Variants in PTAR1 observed in about 807,000 individuals in gnomAD.
PTAR1 encodes protein prenyltransferase alpha subunit repeat-containing protein 1.
In PTAR1, 17 loss-of-function variants were observed where a neutral mutation model predicts 45.5. The ratio of observed to expected loss-of-function variants is 0.37; its 90% CI spans 0.26 to 0.56. PTAR1 has a LOEUF of 0.56. PTAR1 is among the 20% of genes least tolerant of loss of function. The pLI is 0.77. For missense variants in PTAR1, 391 were observed against 476.3 expected, an observed-to-expected ratio of 0.82 and a Z score of 1.67; for synonymous variants, 169 against 171.3, an observed-to-expected ratio of 0.99 and a Z score of 0.11.
chr9:69,744,331 A>G (rs939907116), intron 2 of PTAR1, among the ~76,000 whole-genome samples: 1 of 152,064 alleles, frequency 6.6e-6, no homozygotes, highest in Non-Finnish European at 1.5e-5. Context: ...TAACAAAAAA[A>G]AAGTTTAAAG....
intron 2 of PTAR1, among the ~76,000 whole-genome samples, chr9:69,744,198 T>C (rs1826168275): frequency 6.6e-6 from 1 of 152,164 alleles, no homozygotes; most frequent in African/African-American, 2.4e-5. Context: ...ACATTCCACC[T>C]GAGTCAAACT....
chr9:69,755,658 C>G (rs1388590540), intron 1 of PTAR1, among the ~76,000 whole-genome samples: 1 of 152,104 alleles, frequency 6.6e-6, no homozygotes, highest in Non-Finnish European at 1.5e-5. Flanking sequence ...CCCAAAAGAA[C>G]TGGAATTCTT....
chr9:69,724,628 C>T (rs10867966), intron 5 of PTAR1, among the ~76,000 whole-genome samples: 43,549 of 151,522 alleles, frequency 0.29, 7,677 homozygotes, highest in Admixed American at 0.4. Flanking sequence ...TTTTCTTCCG[C>T]GGGAATCTTT....
At chr9:69,746,996 G>A (rs1826302850) in intron 2 of PTAR1, among the ~76,000 whole-genome samples, 1 of 152,190 alleles carries the variant, frequency 6.6e-6, no homozygotes, top group South Asian at 2.1e-4. Flanking sequence ...TGAAGCTTGA[G>A]TTAAAGCTAT....
intron 5 of PTAR1, among the ~76,000 whole-genome samples, chr9:69,725,364 C>T (rs947915558): frequency 2.6e-5 from 4 of 151,814 alleles, no homozygotes; most frequent in Non-Finnish European, 4.4e-5. Flanking sequence ...CTGGGGCGGA[C>T]GGATCACCTG....
chr9:69,753,738 G>A (rs1432082986), intron 1 of PTAR1, among the ~76,000 whole-genome samples: 1 of 152,210 alleles, frequency 6.6e-6, no homozygotes, highest in East Asian at 1.9e-4. Context: ...AAAAACACAT[G>A]AAGAGGTAGT....
intron 2 of PTAR1, among the ~76,000 whole-genome samples, chr9:69,744,531 G>A (rs540298975): frequency 2.6e-5 from 4 of 151,978 alleles, no homozygotes; most frequent in South Asian, 2.1e-4. Flanking sequence ...GACTACAGGC[G>A]CGTGCTACCA....
chr9:69,736,354 T>C (rs192906682), intron 3 of PTAR1, among the ~76,000 whole-genome samples: 2 of 152,238 alleles, frequency 1.3e-5, no homozygotes, highest in Non-Finnish European at 2.9e-5. Flanking sequence ...GTCAAGAGAT[T>C]GAGACCATCC....
chr9:69,738,295 T>C (rs1304579009), intron 3 of PTAR1, among the ~76,000 whole-genome samples: 1 of 152,210 alleles, frequency 6.6e-6, no homozygotes, highest in Non-Finnish European at 1.5e-5. Flanking sequence ...CTTAGCATTG[T>C]TGATATCAAT....
At chr9:69,759,716 AC>A in intron 1 of PTAR1, 136 bp downstream of exon 1, 1 of 803,870 alleles carries the variant, frequency 1.2e-6, no homozygotes, top group Non-Finnish European at 1.8e-6. Flanking sequence ...CCCGCCCGAC[AC>A]GGCTCTGCCT....
Position 69,741,859 on chromosome 9 carries a change from C to G in PTAR1, c.257-1G>C. The G allele has an allele frequency of 6.3e-7, 1 of 1,579,508 alleles. No homozygotes were observed. Among genetic ancestry groups the G allele is most frequent in the South Asian group, 1.2e-5 (1 of 86,912 alleles). ...AGGGTACATGTGACATCTATCAATT[C>G]TAAAATAAAGAGAAGTCATATTAAA... On this transcript the variant is annotated splice_acceptor_variant, in intron 2 of 7. Coordinates refer to ENST00000340434, the MANE Select transcript of PTAR1 (RefSeq NM_001099666.2). LOFTEE classifies it high-confidence loss of function.
At chr9:69,725,669 T>C (rs1825243799) in intron 5 of PTAR1, among the ~76,000 whole-genome samples, 1 of 151,876 alleles carries the variant, frequency 6.6e-6, no homozygotes, top group African/African-American at 2.4e-5. Context: ...AAAGAGAAAA[T>C]CCACTATATT....
At position 69,710,069 on chromosome 9, in the gene PTAR1, A is replaced by T. The variant is rs1262894767; in HGVS notation, c.*8273T>A. 1 of 152,122 alleles carries T rather than the reference A, an allele frequency of 6.6e-6. No homozygotes were observed. Among genetic ancestry groups the T allele is most frequent in the Non-Finnish European group, 1.5e-5 (1 of 67,988 alleles). The allele number at this position is 152,122 out of a possible 1,614,324, so 9.4% of individuals were successfully genotyped here. On this transcript the variant is annotated 3_prime_UTR_variant, in exon 8 of 8. Coordinates refer to ENST00000340434, the MANE Select transcript of PTAR1 (RefSeq NM_001099666.2). ...ATTAGATGCTTTTCTAAATATTCTG[A>T]ATTTTTAAAGTACCATAATTACAGG... is the stretch of plus-strand genomic sequence containing the variant.
chr9:69,727,443 C>G (rs1388264451), intron 5 of PTAR1, among the ~76,000 whole-genome samples: 1 of 151,820 alleles, frequency 6.6e-6, no homozygotes, highest in Non-Finnish European at 1.5e-5. Context: ...TTTCACTTAG[C>G]ATAATGTGAG....
intron 6 of PTAR1, among the ~76,000 whole-genome samples, chr9:69,721,225 A>G (rs1824986107): frequency 6.6e-6 from 1 of 152,160 alleles, no homozygotes; most frequent in Non-Finnish European, 1.5e-5. Context: ...GGTGATTCCA[A>G]CCCTCATGGA....
intron 4 of PTAR1, among the ~76,000 whole-genome samples, chr9:69,733,047 A>G (rs1045075557): frequency 3.9e-5 from 6 of 152,084 alleles, no homozygotes; most frequent in Non-Finnish European, 8.8e-5. Context: ...TTTTTAGACT[A>G]AAGATTTCAA....
At chr9:69,758,712 G>A (rs113209515) in intron 1 of PTAR1, 14 of 405,450 alleles carry the variant, frequency 3.5e-5, no homozygotes, top group African/African-American at 1.2e-4. Context: ...CACCTTGGAG[G>A]AAAAGAACAC....
At position 69,732,307 on chromosome 9, in the gene PTAR1, G is replaced by A. The variant is rs765105094; in HGVS notation, c.474C>T (p.Ser158=). The part of the protein sequence containing the change: ...QQLIQETSLP[S]FVTKGNLGTI... ...TTCCCAAGTTTCCTTTGGTCACAAA[G>A]GAAGGCAAGGAGGTTTCCTGAATTA... The change falls in exon 5 of 8, where the codon TCC becomes TCT. Residue 158 remains serine, a synonymous_variant. Coordinates refer to ENST00000340434, the MANE Select transcript of PTAR1 (RefSeq NM_001099666.2). 1 of 1,613,888 alleles carries A rather than the reference G, an allele frequency of 6.2e-7. No individual in the cohort carries two copies. The highest frequency in any genetic ancestry group is 2.2e-5 in the East Asian group (1 of 44,872).
Position 69,748,403 on chromosome 9 carries a change from T to TAA in PTAR1, c.256+2376_256+2377dup, listed in dbSNP as rs113978279. Among the ~76,000 whole-genome samples the TAA allele has an allele frequency of 4.0e-3, 593 of 148,154 alleles. 2 individuals are homozygous for TAA. Among genetic ancestry groups the TAA allele is most frequent in the East Asian group, 0.016 (83 of 5,084 alleles). On this transcript the variant is annotated intron_variant, in intron 2 of 7. Coordinates refer to ENST00000340434, the MANE Select transcript of PTAR1 (RefSeq NM_001099666.2). Reference sequence around the variant, plus strand: ...ACCGAATGTATTACTATCACAGACTTAAAAAAAAAAAAATCAATCTCTAAC... The same window carrying TAA: ...ACCGAATGTATTACTATCACAGACTTAAAAAAAAAAAAAAATCAATCTCTAAC...
Sources: gnomAD v4.1 joint callset for allele counts (sites outside exome capture counted in the v4.1 genomes callset) on GRCh38, gnomAD v4.1.1 for gene constraint, MANE v1.5 for transcripts, NCBI Gene and HGNC (gene_info 2026-07-23, HGNC 2026-07-21) for gene names.